Variants in FOXN3 observed in about 807,000 individuals in gnomAD.
FOXN3 encodes forkhead box protein N3.
A neutral mutation model predicts 38.4 loss-of-function variants in FOXN3; 7 were observed. The ratio of observed to expected loss-of-function variants is 0.18; its 90% CI spans 0.10 to 0.34. FOXN3 has a LOEUF of 0.34. Ranked by LOEUF, FOXN3 falls within the 10% of genes least tolerant of loss-of-function variation. The pLI, the probability that FOXN3 is intolerant of heterozygous loss-of-function variation, is 1.00. For synonymous variants in FOXN3, 230 were observed against 242.2 expected, an observed-to-expected ratio of 0.95 and a Z score of 0.47; for missense variants, 456 against 613.4, an observed-to-expected ratio of 0.74 and a Z score of 2.71.
chr14:89,540,165 T>C (rs1894766794), intron 1 of FOXN3, among the ~76,000 whole-genome samples: 2 of 152,194 alleles, frequency 1.3e-5, no homozygotes, highest in African/African-American at 2.4e-5. Context: ...GCAATAACCA[T>C]GTGAAATTTA....
chr14:89,446,056 C>G lies in FOXN3; in HGVS notation c.-14-33566G>C, dbSNP rs1892486882. Among the ~76,000 whole-genome samples the G allele has an allele frequency of 3.4e-5, 4 of 116,986 alleles. No individual in the cohort carries two copies. In the South Asian group the frequency reaches 1.1e-3, roughly 33 times the overall value. The allele number at this position is 116,986 out of a possible 152,430, so 76.7% of individuals were successfully genotyped here. On this transcript the variant is annotated intron_variant, in intron 1 of 6. Transcript: ENST00000345097. ...TGAGCTGTGATTATACCACCGCACT[C>G]TAGCCTGGGTAACAGAGCGAGACCC...
At chr14:89,356,544 T>C (rs141047651) in intron 2 of FOXN3, 2 of 152,264 alleles carry the variant, frequency 1.3e-5, no homozygotes, top group East Asian at 3.9e-4. Flanking sequence ...GATGAGATAT[T>C]AAAACAAGAC....
At chr14:89,613,841 G>A (rs1478542274) in intron 1 of FOXN3, among the ~76,000 whole-genome samples, 2 of 152,202 alleles carry the variant, frequency 1.3e-5, no homozygotes, top group African/African-American at 4.8e-5. Flanking sequence ...GTGGCCATGA[G>A]CAGCACAGTT....
At chr14:89,481,593 A>G (rs995085426) in intron 1 of FOXN3, among the ~76,000 whole-genome samples, 1 of 152,188 alleles carries the variant, frequency 6.6e-6, no homozygotes. Flanking sequence ...AAGAACACAG[A>G]TTCCAATAGT....
At chr14:89,520,021 T>C (rs1297219517) in intron 1 of FOXN3, among the ~76,000 whole-genome samples, 1 of 150,296 alleles carries the variant, frequency 6.7e-6, no homozygotes, top group African/African-American at 2.5e-5. Context: ...TTTTTTCTTT[T>C]TTTTTTTTTT....
chr14:89,187,182 G>C (rs1053534972), intron 4 of FOXN3, among the ~76,000 whole-genome samples: 3 of 152,212 alleles, frequency 2.0e-5, no homozygotes, highest in Non-Finnish European at 2.9e-5. Flanking sequence ...CAGCAGCAGA[G>C]ACTAGGTTGG....
At chr14:89,497,923 G>GTT (rs57461862) in intron 1 of FOXN3, among the ~76,000 whole-genome samples, 133 of 150,920 alleles carry the variant, frequency 8.8e-4, no homozygotes, top group South Asian at 2.1e-3. Flanking sequence ...TGTTTGTTTG[G>GTT]TTTTTTTTTG....
In FOXN3 at chr14:89,210,500, C is replaced by T. The variant is rs1231464962; in HGVS notation, c.746-29694G>A. 2.6e-5 allele frequency among the ~76,000 whole-genome samples: 4 copies of T among 152,206 alleles called. No homozygotes were observed. In the South Asian group the frequency reaches 8.3e-4, roughly 32 times the overall value. ...ACAGCAATGCGAGAATGGACTAAGACACATACTGTTGTCACTCAAATACTC... is the reference window on the plus strand; with the variant it reads ...ACAGCAATGCGAGAATGGACTAAGATACATACTGTTGTCACTCAAATACTC... On this transcript the variant is annotated intron_variant, in intron 4 of 5. Transcript: ENST00000557258.
intron 4 of FOXN3, among the ~76,000 whole-genome samples, chr14:89,266,326 A>G (rs150892123): frequency 1.3e-5 from 2 of 152,176 alleles, no homozygotes; most frequent in East Asian, 2.0e-4. Flanking sequence ...GTACATGTAC[A>G]TTCCTGGTAT....
chr14:89,521,197 C>T (rs1894308216), intron 1 of FOXN3, among the ~76,000 whole-genome samples: 1 of 151,980 alleles, frequency 6.6e-6, no homozygotes, highest in Admixed American at 6.6e-5. Flanking sequence ...GTAATCCCAG[C>T]TACTAGGGAG....
intron 4 of FOXN3, among the ~76,000 whole-genome samples, chr14:89,199,418 G>GC (rs982881185): frequency 6.6e-6 from 1 of 152,188 alleles, no homozygotes; most frequent in African/African-American, 2.4e-5. Flanking sequence ...AACACCAAGA[G>GC]GGGCCTTTCT....
intron 1 of FOXN3, among the ~76,000 whole-genome samples, chr14:89,424,789 G>A (rs986939679): frequency 6.6e-6 from 1 of 151,672 alleles, no homozygotes; most frequent in Non-Finnish European, 1.5e-5. Flanking sequence ...GGAGGCTAAG[G>A]TAGGAGGTTC....
chr14:89,474,409 G>A (rs775758913), intron 1 of FOXN3, among the ~76,000 whole-genome samples: 17 of 152,170 alleles, frequency 1.1e-4, no homozygotes, highest in South Asian at 4.1e-4. Context: ...CCAAGGTGCC[G>A]AGGGCCAGTC....
intron 1 of FOXN3, among the ~76,000 whole-genome samples, chr14:89,566,402 A>G (rs772038543): frequency 1.7e-4 from 26 of 152,262 alleles, no homozygotes; most frequent in Admixed American, 4.6e-4. Context: ...TTATTATTTT[A>G]TCACGGATTT....
chr14:89,520,026 T>C (rs1894287540), intron 1 of FOXN3, among the ~76,000 whole-genome samples: 1 of 150,634 alleles, frequency 6.6e-6, no homozygotes, highest in African/African-American at 2.4e-5. Context: ...TCTTTTTTTT[T>C]TTTTTGAGAC....
intron 3 of FOXN3, among the ~76,000 whole-genome samples, chr14:89,284,791 G>A (rs544690882): frequency 9.9e-5 from 15 of 152,190 alleles, no homozygotes; most frequent in Non-Finnish European, 1.5e-4. Flanking sequence ...AAGGTGGAGT[G>A]CGACCTGGCA....
chr14:89,419,073 T>C, upstream of FOXN3: 1 of 453,898 alleles, frequency 2.2e-6, no homozygotes, highest in Non-Finnish European at 4.4e-6. Flanking sequence ...GAGCCAAAGG[T>C]GATTGTACAT....
Position 89,162,967 on chromosome 14 carries a change from T to G in FOXN3, c.854A>C (p.Asn285Thr). 1 of 1,556,214 alleles carries G rather than the reference T, an allele frequency of 6.4e-7. No homozygotes were observed. Among genetic ancestry groups the G allele is most frequent in the Non-Finnish European group, 8.7e-7 (1 of 1,147,600 alleles). Reference protein sequence around the residue: ...TPIGVTAAMRNGITSCRMRTE... With the variant: ...TPIGVTAAMRTGITSCRMRTE... ...CCGCATCCGGCAGCTGGTGATGCCA[T>G]TCCTGCAGAGCGAGGACAGTGGGGA... The change falls in exon 6 of 6, where the codon AAT (asparagine) becomes ACT (threonine). Residue 285 changes from asparagine to threonine, a missense_variant and splice_region_variant. Asn to Thr is a moderately conservative substitution (Grantham distance 65). This residue lies in a region of FOXN3 where 386 missense variants were observed against 505.2 expected (regional missense o/e 0.76). Coordinates refer to ENST00000557258, the MANE Select transcript of FOXN3 (RefSeq NM_005197.4). The surrounding 1 kb of genome is among the most constrained non-coding windows in gnomAD (Gnocchi z 7.2).
intron 4 of FOXN3, among the ~76,000 whole-genome samples, chr14:89,189,845 C>G (rs1284615679): frequency 6.6e-6 from 1 of 152,190 alleles, no homozygotes; most frequent in East Asian, 1.9e-4. Flanking sequence ...TCTGGGGCAG[C>G]CTGGGAGGCT....
Sources: gnomAD v4.1 joint callset for allele counts (sites outside exome capture counted in the v4.1 genomes callset) on GRCh38, gnomAD v4.1.1 for gene constraint, gnomAD v4.1.1 regional missense constraint, Gnocchi (gnomAD v3.1) non-coding constraint, MANE v1.5 for transcripts, NCBI Gene and HGNC (gene_info 2026-07-23, HGNC 2026-07-21) for gene names.